VPS35L: variants seen among roughly 807,000 people sequenced by gnomAD.
VPS35L encodes the protein VPS35 endosomal protein sorting factor like.
In VPS35L, 83 loss-of-function variants were observed where a neutral mutation model predicts 133.0. The observed-to-expected ratio is 0.62, with a 90% confidence interval of 0.52 to 0.75. The LOEUF (loss-of-function observed/expected upper bound fraction) is 0.75, where lower values mean the gene tolerates loss of function less well. Among genes scored for constraint, VPS35L ranks in the 30% least tolerant of loss-of-function variants. The pLI, the probability that VPS35L is intolerant of heterozygous loss-of-function variation, is 0.00. For missense variants in VPS35L, 1,083 were observed against 1,206.8 expected (o/e 0.90, Z 1.52); for synonymous variants, 423 against 449.9 (o/e 0.94, Z 0.76).
rs539101428 is a variant in VPS35L at position 19,653,813 on chromosome 16, A to G, written c.2221+1723A>G. On this transcript the variant is annotated intron_variant, in intron 26 of 30. Transcript: ENST00000417362. The stretch of plus-strand genomic sequence containing the variant: ...GGAAGTTTTGGGGATCATCTGTGTC[A>G]TGATTCAACTGGAGCAGCTCTGGGC... 2.0e-5 allele frequency among the ~76,000 whole-genome samples: 3 copies of G among 152,332 alleles called. No individual in the cohort carries two copies. The South Asian group carries it at 6.2e-4, about 32-fold the overall frequency.
chr16:19,637,654 G>A lies in VPS35L; in HGVS notation c.1696G>A (p.Val566Met). Residue 566 changes from valine (V) to methionine (M), a missense_variant and splice_region_variant, in exon 20 of 31, where the codon GTG becomes ATG. By Grantham distance (21) the Val-to-Met change is conservative. Transcript: ENST00000417362. The stretch of plus-strand genomic sequence containing the variant: ...CCATGACTTCTCAGTTCTTTTCTCA[G>A]TGGTAAGTAGGATTTCTTAATTATC... ...HFHDFSVLFS[V>M]EKFLPFLDMF... 1 of 1,570,304 alleles carries A rather than the reference G, an allele frequency of 6.4e-7. No individual in the cohort carries two copies. Among genetic ancestry groups the A allele is most frequent in the Non-Finnish European group, 8.7e-7 (1 of 1,151,238 alleles).
At chr16:19,697,787 G>A (rs933733547) in intron 29 of VPS35L, among the ~76,000 whole-genome samples, 7 of 152,212 alleles carry the variant, frequency 4.6e-5, no homozygotes, top group Admixed American at 2.0e-4. Context: ...TTCTGAGTGC[G>A]ATTCCTGATA....
At chr16:19,579,156 G>C (rs1361019987) in intron 6 of VPS35L, 28 bp downstream of exon 6, 4 of 1,602,444 alleles carry the variant, frequency 2.5e-6, no homozygotes, top group Non-Finnish European at 3.4e-6. Flanking sequence ...GGAATACAGG[G>C]AGTGGGAGAG....
In VPS35L at chr16:19,682,258, C is replaced by T. The variant is rs772085256; in HGVS notation, c.2395C>T (p.Arg799Ter). The T allele has an allele frequency of 1.9e-6, 3 of 1,613,990 alleles. No individual in the cohort carries two copies. Among genetic ancestry groups the T allele is most frequent in the African/African-American group, 2.7e-5 (2 of 74,986 alleles). ...HPEHGVLFLVRELLNVIQDYT... is the reference protein window; with the variant it reads ...HPEHGVLFLV Reference sequence around the variant, plus strand: ...TGAACATGGGGTCCTGTTTCTTGTTCGAGAGCTTCTCAACGTGATCCAGGA... The same window carrying T: ...TGAACATGGGGTCCTGTTTCTTGTTTGAGAGCTTCTCAACGTGATCCAGGA... Residue 799 changes from arginine to a stop codon, truncating the protein, a stop_gained, in exon 28 of 31, where the codon CGA (arginine) becomes TGA (stop). Transcript: ENST00000417362. LOFTEE classifies it high-confidence loss of function.
intron 8 of VPS35L, among the ~76,000 whole-genome samples, chr16:19,592,444 C>T (rs1331302524): frequency 2.0e-5 from 3 of 151,974 alleles, no homozygotes; most frequent in Non-Finnish European, 4.4e-5. Context: ...GCTGGGGGCA[C>T]TAAGCAGCAT....
intron 27 of VPS35L, among the ~76,000 whole-genome samples, chr16:19,672,839 T>G (rs1426773405): frequency 6.6e-6 from 1 of 152,200 alleles, no homozygotes; most frequent in Non-Finnish European, 1.5e-5. Context: ...ATTAAGCAGT[T>G]GGTAAAAGTG....
At chr16:19,629,123 C>G (rs546257479) in intron 17 of VPS35L, among the ~76,000 whole-genome samples, 1 of 152,250 alleles carries the variant, frequency 6.6e-6, no homozygotes, top group East Asian at 1.9e-4. Flanking sequence ...GTTTTGGCAT[C>G]TGCTCTTTTA....
chr16:19,577,769 C>G (rs1039920155), intron 5 of VPS35L, among the ~76,000 whole-genome samples: 6 of 152,012 alleles, frequency 3.9e-5, no homozygotes, highest in Admixed American at 3.9e-4. Flanking sequence ...AAAAGAGGTC[C>G]AAGGGCACTC....
chr16:19,641,968 G>A (rs746737232), intron 21 of VPS35L, among the ~76,000 whole-genome samples: 48 of 152,216 alleles, frequency 3.2e-4, no homozygotes, highest in Non-Finnish European at 5.9e-4. Flanking sequence ...CCAATACTTT[G>A]GGAGGCTGAG....
intron 3 of VPS35L, 80 bp downstream of exon 3, chr16:19,569,671 C>CT (rs1366263317): frequency 5.6e-5 from 76 of 1,346,688 alleles, no homozygotes; most frequent in South Asian, 9.7e-5. Context: ...GTGCCCTGCC[C>CT]TTTTTTTTCC....
chr16:19,589,220 T>C (rs1971964776), intron 7 of VPS35L, among the ~76,000 whole-genome samples: 1 of 152,182 alleles, frequency 6.6e-6, no homozygotes, highest in Non-Finnish European at 1.5e-5. Context: ...TTTGAATGTA[T>C]GCATTTGTTG....
At chr16:19,674,184 C>CTTTCTTTTTTTTT (rs764022611) in intron 27 of VPS35L, among the ~76,000 whole-genome samples, 43 of 70,916 alleles carry the variant, frequency 6.1e-4, no homozygotes, top group African/African-American at 2.6e-3. Context: ...TTTTCTTTTT[C>CTTTCTTTTTTTTT]TTTTTTTTTT....
chr16:19,695,859 C>A (rs575172422), intron 29 of VPS35L, among the ~76,000 whole-genome samples: 60 of 151,984 alleles, frequency 3.9e-4, no homozygotes, highest in African/African-American at 1.3e-3. Flanking sequence ...ATGGGTGGAC[C>A]AAGCTGAAAC....
intron 26 of VPS35L, among the ~76,000 whole-genome samples, chr16:19,660,518 A>G (rs1282076378): frequency 6.6e-6 from 1 of 152,124 alleles, no homozygotes; most frequent in Non-Finnish European, 1.5e-5. Flanking sequence ...TTTATGACTG[A>G]CGAGTGGTAA....
Position 19,650,414 on chromosome 16 carries a change from A to C in VPS35L, c.2061A>C (p.Lys687Asn). The C allele has an allele frequency of 6.2e-7, 1 of 1,613,862 alleles. No individual in the cohort carries two copies. The highest frequency in any genetic ancestry group is 8.5e-7 in the Non-Finnish European group (1 of 1,179,770). ...SVNRLAMETRKVMKGNHSRKT... is the reference protein window; with the variant it reads ...SVNRLAMETRNVMKGNHSRKT... ...ACCGGTTGGCAATGGAGACAAGAAAAGTAATGAAAGGAAATCATTCCAGAA... is the reference window on the plus strand; with the variant it reads ...ACCGGTTGGCAATGGAGACAAGAAACGTAATGAAAGGAAATCATTCCAGAA... Residue 687 changes from lysine to asparagine, a missense_variant, in exon 25 of 31, where the codon AAA becomes AAC. By Grantham distance (94) the Lys-to-Asn change is moderately conservative. Coordinates refer to ENST00000417362, the MANE Select transcript of VPS35L (RefSeq NM_020314.7).
rs200862271 is a variant in VPS35L at position 19,629,879 on chromosome 16, T to C, written c.1554+59T>C. The C allele has an allele frequency of 1.4e-4, 218 of 1,513,392 alleles. 2 individuals are homozygous for C. The East Asian group carries it at 4.8e-3, about 33-fold the overall frequency. 93.7% of individuals were successfully genotyped at this position (1,513,392 alleles called of 1,614,324 possible). A position where few individuals can be genotyped will look rare whatever the true frequency, so the allele number is the denominator to read the frequency against. On this transcript the variant is annotated intron_variant, in intron 18 of 30. Coordinates refer to ENST00000417362, the MANE Select transcript of VPS35L (RefSeq NM_020314.7). ...TTAGATTTTTTCATGTTTATAATAG[T>C]GAATTAGCCTAGTTTAGGTATTGAG... is the stretch of plus-strand genomic sequence containing the variant.
intron 5 of VPS35L, among the ~76,000 whole-genome samples, chr16:19,576,186 A>AC (rs201423522): frequency 9.3e-6 from 1 of 107,190 alleles, no homozygotes; most frequent in Non-Finnish European, 2.0e-5. Flanking sequence ...AAAAACAAAA[A>AC]AAAAAAACAA....
At chr16:19,667,240 G>A (rs1974723712) in intron 26 of VPS35L, among the ~76,000 whole-genome samples, 1 of 152,002 alleles carries the variant, frequency 6.6e-6, no homozygotes, top group Non-Finnish European at 1.5e-5. Flanking sequence ...GAGATTACAG[G>A]CGTGAGCTAC....
chr16:19,683,594 C>T (rs984083939), intron 28 of VPS35L, among the ~76,000 whole-genome samples: 2 of 152,188 alleles, frequency 1.3e-5, no homozygotes, highest in Non-Finnish European at 2.9e-5. Context: ...GGATAATGGC[C>T]TCCAGTTGCA....
Sources: allele counts gnomAD v4.1 joint callset (sites outside exome capture counted in the v4.1 genomes callset), GRCh38; gene constraint gnomAD v4.1.1; transcripts MANE v1.5; gene names NCBI Gene and HGNC (gene_info 2026-07-23, HGNC 2026-07-21).